HYDIN: variants seen among roughly 807,000 people sequenced by gnomAD.
The protein encoded by HYDIN is HYDIN axonemal central pair apparatus protein, also known as axonemal central pair apparatus protein HYDIN.
HYDIN carries 132 observed loss-of-function variants against 403.9 expected under a neutral mutation model. The ratio of observed to expected loss-of-function variants is 0.33; its 90% CI spans 0.28 to 0.38. The LOEUF is 0.38. Among genes scored for constraint, HYDIN ranks in the 10% least tolerant of loss-of-function variants. HYDIN has a pLI of 1.00. For missense variants in HYDIN, 2,827 were observed against 5,009.5 expected (o/e 0.56, Z 13.15); for synonymous variants, 1,202 against 1,891.7 (o/e 0.64, Z 9.46).
intron 13 of HYDIN, among the ~76,000 whole-genome samples, chr16:71,079,315 C>T (rs2082713155): frequency 6.6e-6 from 1 of 150,848 alleles, no homozygotes; most frequent in Non-Finnish European, 1.5e-5. Flanking sequence ...CTGTTAGATA[C>T]AAGTTAGAAC....
In HYDIN at chr16:71,093,798, G is replaced by A. The variant is rs755942729; in HGVS notation, c.1446+19C>T. ...GCCAAGTACTGTTTGAAGTATCAAC[G>A]AACAACTCTAGTGCTTACCTCATAA... On this transcript the variant is annotated intron_variant, in intron 11 of 85. Coordinates refer to ENST00000393567, the MANE Select transcript of HYDIN (RefSeq NM_001270974.2). 39 of 1,606,904 alleles carry A rather than the reference G, an allele frequency of 2.4e-5. No homozygotes were observed. In the South Asian group the frequency reaches 3.0e-4, roughly 12 times the overall value.
intron 18 of HYDIN, among the ~76,000 whole-genome samples, chr16:71,047,744 TA>T (rs1475742610): frequency 2.0e-5 from 3 of 149,510 alleles, no homozygotes; most frequent in African/African-American, 7.4e-5. Flanking sequence ...TGTGCATATT[TA>T]TGGAGTACAG....
intron 12 of HYDIN, among the ~76,000 whole-genome samples, chr16:71,087,544 A>G (rs12597227): frequency 1.2e-3 from 159 of 134,146 alleles, no homozygotes; most frequent in East Asian, 6.4e-3. Context: ...CAACATATAA[A>G]TTCTGCGGGA....
In HYDIN at chr16:70,970,583, G is replaced by A. The variant is rs765041833; in HGVS notation, c.5556C>T (p.Pro1852=). ...GDEAEVIVKN[P]CNFPIEFYSL... ...AATAAAACTCAATGGGGAAGTTGCAGGGATTCTTCACTATCACCTCGGCCT... is the reference window on the plus strand; with the variant it reads ...AATAAAACTCAATGGGGAAGTTGCAAGGATTCTTCACTATCACCTCGGCCT... Residue 1852 remains proline (P), a synonymous_variant, in exon 36 of 86, where the codon CCC becomes CCT. Transcript: ENST00000393567. The A allele has an allele frequency of 2.2e-6, 3 of 1,342,892 alleles. No individual in the cohort carries two copies. Among genetic ancestry groups the A allele is most frequent in the Admixed American group, 3.4e-5 (2 of 58,662 alleles). 83.2% of individuals were successfully genotyped at this position (1,342,892 alleles called of 1,614,324 possible). A position where few individuals can be genotyped will look rare whatever the true frequency, so the allele number is the denominator to read the frequency against.
chr16:71,098,524 A>G (rs2083352692), intron 10 of HYDIN, among the ~76,000 whole-genome samples: 1 of 151,516 alleles, frequency 6.6e-6, no homozygotes, highest in African/African-American at 2.4e-5. Context: ...AAAGGGCCCA[A>G]ACTGCATTAC....
intron 47 of HYDIN, among the ~76,000 whole-genome samples, chr16:70,912,505 ATTAGCTAAATGTTAAGGATTTTGG>A (rs375087920): frequency 2.9e-4 from 30 of 105,174 alleles, no homozygotes; most frequent in African/African-American, 1.1e-3. Context: ...GTTGGATTTG[ATTAGCTAAATGTTAAGGATTTTGG>A]TTAGCTAAAT....
At chr16:71,175,778 T>C (rs370634487) in intron 4 of HYDIN, 37 bp from the exon 5 acceptor site, 1 of 1,611,342 alleles carries the variant, frequency 6.2e-7, no homozygotes, top group African/African-American at 1.3e-5. Flanking sequence ...ATCGTGCATG[T>C]GAAAAAGCAG....
At chr16:70,809,337 T>C (rs1168264275) in intron 85 of HYDIN, among the ~76,000 whole-genome samples, 1 of 152,248 alleles carries the variant, frequency 6.6e-6, no homozygotes, top group East Asian at 1.9e-4. Flanking sequence ...AAAATCCTTA[T>C]AGCAATCCTG....
intron 75 of HYDIN, among the ~76,000 whole-genome samples, chr16:70,844,844 CTGT>C (rs960307585): frequency 1.3e-5 from 2 of 151,578 alleles, no homozygotes; most frequent in African/African-American, 4.9e-5. Context: ...GGCTCTCTGT[CTGT>C]TGTTGGTGTA....
chr16:70,902,002 T>G (rs971835546), intron 52 of HYDIN, among the ~76,000 whole-genome samples: 1 of 152,126 alleles, frequency 6.6e-6, no homozygotes, highest in Admixed American at 6.5e-5. Context: ...TTGTGTTTCA[T>G]TGAAAAAAAA....
chr16:71,148,745 A>AATAT (rs57117632), intron 7 of HYDIN, among the ~76,000 whole-genome samples: 1 of 144,796 alleles, frequency 6.9e-6, no homozygotes, highest in Admixed American at 6.7e-5. Context: ...TTATATAAAG[A>AATAT]ATATATATAT....
intron 10 of HYDIN, among the ~76,000 whole-genome samples, chr16:71,107,505 C>T (rs6499459): frequency 6.6e-6 from 1 of 150,510 alleles, no homozygotes; most frequent in Non-Finnish European, 1.5e-5. Context: ...ATTAAAAAGT[C>T]GGCAAAAAAA....
chr16:71,207,174 G>A (rs1039343889), intron 1 of HYDIN, among the ~76,000 whole-genome samples: 1 of 152,180 alleles, frequency 6.6e-6, no homozygotes, highest in African/African-American at 2.4e-5. Context: ...GGCAGCTAGA[G>A]ATAAAGGACA....
At position 70,810,021 on chromosome 16, in the gene HYDIN, CAG is replaced by C; in HGVS notation, c.14659-16_14659-15del. The C allele has an allele frequency of 6.2e-7, 1 of 1,612,450 alleles. No individual in the cohort carries two copies. The highest frequency in any genetic ancestry group is 1.1e-5 in the South Asian group (1 of 91,058). On this transcript the variant is annotated splice_polypyrimidine_tract_variant and intron_variant, in intron 84 of 85. Transcript: ENST00000393567. ...TGAGAACGTGCCCTGGAAGAGAAAA[CAG>C]AGGATCCTGTCATGCTGAAAGGCTA...
chr16:70,927,949 T>TAA (rs796753706), intron 45 of HYDIN, among the ~76,000 whole-genome samples: 7 of 132,730 alleles, frequency 5.3e-5, no homozygotes, highest in African/African-American at 8.4e-5. Context: ...AACCTGTACC[T>TAA]AAAAAAAAAA....
At chr16:70,900,276 G>C (rs768847250) in intron 53 of HYDIN, among the ~76,000 whole-genome samples, 2 of 150,598 alleles carry the variant, frequency 1.3e-5, no homozygotes, top group Non-Finnish European at 3.0e-5. Flanking sequence ...AGGAGTTTGA[G>C]GCCAGCCTGG....
At chr16:70,811,114 A>T (rs2035471149) in intron 84 of HYDIN, among the ~76,000 whole-genome samples, 2 of 152,162 alleles carry the variant, frequency 1.3e-5, no homozygotes, top group South Asian at 4.1e-4. Flanking sequence ...GTAAGTATTT[A>T]AAAAAATAAC....
chr16:71,009,387 T>TC (rs986224727), intron 23 of HYDIN, among the ~76,000 whole-genome samples: 5 of 37,178 alleles, frequency 1.3e-4, no homozygotes, highest in African/African-American at 2.1e-4. Flanking sequence ...TTTTCTTTTC[T>TC]TTTTTTTTTT....
intron 1 of HYDIN, among the ~76,000 whole-genome samples, chr16:71,223,343 A>C (rs1264641019): frequency 2.0e-5 from 3 of 152,230 alleles, no homozygotes; most frequent in Non-Finnish European, 4.4e-5. Flanking sequence ...TCAAAGACTT[A>C]AATCTAAGAC....
Sources: gnomAD v4.1 joint callset for allele counts (sites outside exome capture counted in the v4.1 genomes callset) on GRCh38, gnomAD v4.1.1 for gene constraint, MANE v1.5 for transcripts, NCBI Gene and HGNC (gene_info 2026-07-23, HGNC 2026-07-21) for gene names.